AUTS2: variants seen among roughly 807,000 people sequenced by gnomAD.
AUTS2 encodes autism susceptibility gene 2 protein.
A neutral mutation model predicts 112.4 loss-of-function variants in AUTS2; 17 were observed. That is an observed-to-expected ratio of 0.15 (90% CI 0.10 to 0.23). The LOEUF (loss-of-function observed/expected upper bound fraction) is 0.23, where lower values mean the gene tolerates loss of function less well. Ranked by LOEUF, AUTS2 falls within the 10% of genes least tolerant of loss-of-function variation. AUTS2 has a pLI of 1.00. For missense variants in AUTS2, 1,510 were observed against 1,701.6 expected, an observed-to-expected ratio of 0.89 and a Z score of 1.98; for synonymous variants, 751 against 702.7, an observed-to-expected ratio of 1.07 and a Z score of -1.09.
At chr7:69,612,283 G>A (rs1358469913) in intron 1 of AUTS2, among the ~76,000 whole-genome samples, 1 of 152,100 alleles carries the variant, frequency 6.6e-6, no homozygotes, top group Non-Finnish European at 1.5e-5. Flanking sequence ...TTTTTGAAGT[G>A]TTGACTGTGA....
intron 4 of AUTS2, among the ~76,000 whole-genome samples, chr7:70,358,573 G>A (rs1437027674): frequency 2.0e-5 from 3 of 152,234 alleles, no homozygotes; most frequent in African/African-American, 7.2e-5. Context: ...TCCAGGGTAG[G>A]AACCTGCCTA....
intron 4 of AUTS2, among the ~76,000 whole-genome samples, chr7:70,146,832 T>G (rs941718053): frequency 2.0e-5 from 3 of 152,178 alleles, no homozygotes; most frequent in African/African-American, 4.8e-5. Context: ...CAGCTCAATT[T>G]TATTATTTTG....
intron 5 of AUTS2, among the ~76,000 whole-genome samples, chr7:70,483,114 C>T (rs1376457245): frequency 6.6e-6 from 1 of 152,094 alleles, no homozygotes. Flanking sequence ...AACAGATGGG[C>T]ACATCACCTC....
intron 2 of AUTS2, among the ~76,000 whole-genome samples, chr7:70,098,764 A>G (rs1054037962): frequency 6.7e-6 from 1 of 149,538 alleles, no homozygotes; most frequent in South Asian, 2.1e-4. Context: ...GTGCAATGTC[A>G]CAATCTCGGC....
intron 6 of AUTS2, among the ~76,000 whole-genome samples, chr7:70,710,926 C>G (rs1355517328): frequency 2.6e-5 from 4 of 152,260 alleles, no homozygotes; most frequent in Non-Finnish European, 5.9e-5. Flanking sequence ...GTATAATGAC[C>G]TCTTCCCAAG....
chr7:70,404,961 G>A (rs973015220), intron 4 of AUTS2, among the ~76,000 whole-genome samples: 2 of 152,162 alleles, frequency 1.3e-5, no homozygotes, highest in Non-Finnish European at 2.9e-5. Context: ...TATAGATTAC[G>A]CTTGGAATCA....
chr7:70,047,217 C>T (rs1026231765), intron 2 of AUTS2, among the ~76,000 whole-genome samples: 2 of 152,134 alleles, frequency 1.3e-5, no homozygotes, highest in Non-Finnish European at 2.9e-5. Context: ...AGTACTGCCT[C>T]TTTAGATGTA....
At chr7:69,695,402 T>C (rs1426962568) in intron 1 of AUTS2, among the ~76,000 whole-genome samples, 2 of 151,996 alleles carry the variant, frequency 1.3e-5, no homozygotes, top group Non-Finnish European at 2.9e-5. Flanking sequence ...TATTTTCAGG[T>C]TGGTCATATA....
At chr7:70,711,869 AAC>A (rs1271773304) in intron 6 of AUTS2, among the ~76,000 whole-genome samples, 2 of 152,112 alleles carry the variant, frequency 1.3e-5, no homozygotes, top group Non-Finnish European at 2.9e-5. Flanking sequence ...CTAGCCTAAA[AAC>A]ACAGTCTCTT....
intron 2 of AUTS2, among the ~76,000 whole-genome samples, chr7:70,029,331 TTC>T (rs1334339225): frequency 6.6e-6 from 1 of 151,896 alleles, no homozygotes; most frequent in African/African-American, 2.4e-5. Context: ...TGGTAATTTT[TTC>T]TGTTTTTTAT....
In AUTS2 at chr7:69,762,293, C is replaced by CTTTTTT. The variant is rs534032498; in HGVS notation, c.310-136967_310-136962dup. 6.5e-4 allele frequency among the ~76,000 whole-genome samples: 40 copies of CTTTTTT among 61,592 alleles called. 1 individual carries two copies. The highest frequency in any genetic ancestry group is 7.7e-4 in the Non-Finnish European group (27 of 34,872). 40.4% of individuals were successfully genotyped at this position (61,592 alleles called of 152,430 possible). A position where few individuals can be genotyped will look rare whatever the true frequency, so the allele number is the denominator to read the frequency against. On this transcript the variant is annotated intron_variant, in intron 1 of 18. Transcript: ENST00000342771. Reference sequence around the variant, plus strand: ...TTCCCAAACATTTTAGCCAAGTTGTCTTTTTTTTTTTTTTTTTTTTTTTTT... The same window carrying CTTTTTT: ...TTCCCAAACATTTTAGCCAAGTTGTCTTTTTTTTTTTTTTTTTTTTTTTTTTTTTTT...
At chr7:70,335,030 A>G (rs1315541041) in intron 4 of AUTS2, among the ~76,000 whole-genome samples, 1 of 152,096 alleles carries the variant, frequency 6.6e-6, no homozygotes, top group South Asian at 2.1e-4. Flanking sequence ...TGTCCTTCTC[A>G]TCAGGGAGAC....
intron 4 of AUTS2, among the ~76,000 whole-genome samples, chr7:70,224,399 C>T (rs1203232298): frequency 7.3e-6 from 1 of 136,904 alleles, no homozygotes; most frequent in Non-Finnish European, 1.6e-5. Flanking sequence ...CAATACAATA[C>T]AATATAATAC....
chr7:70,010,537 C>G (rs1427119247), intron 2 of AUTS2, among the ~76,000 whole-genome samples: 1 of 152,180 alleles, frequency 6.6e-6, no homozygotes, highest in Non-Finnish European at 1.5e-5. Context: ...CTCCATCCCC[C>G]TTGATGACTG....
chr7:69,974,457 C>G (rs899327288), intron 2 of AUTS2, among the ~76,000 whole-genome samples: 1 of 151,768 alleles, frequency 6.6e-6, no homozygotes, highest in Non-Finnish European at 1.5e-5. Flanking sequence ...CTTCCATCTG[C>G]AAGCTAGAAA....
intron 1 of AUTS2, among the ~76,000 whole-genome samples, chr7:69,761,481 A>C (rs1294154882): frequency 6.6e-6 from 1 of 152,050 alleles, no homozygotes; most frequent in Non-Finnish European, 1.5e-5. Flanking sequence ...TTAATGTTAA[A>C]TAGTTCAGTC....
intron 1 of AUTS2, among the ~76,000 whole-genome samples, chr7:69,707,241 C>A (rs1211612370): frequency 6.6e-6 from 1 of 151,980 alleles, no homozygotes; most frequent in East Asian, 1.9e-4. Flanking sequence ...ACAAATTTGC[C>A]CCATTGGTAA....
At chr7:70,103,199 G>A (rs2129569874) in intron 2 of AUTS2, among the ~76,000 whole-genome samples, 1 of 152,260 alleles carries the variant, frequency 6.6e-6, no homozygotes, top group South Asian at 2.1e-4. Context: ...TTAATACAAT[G>A]TTACTCTGGA....
intron 5 of AUTS2, among the ~76,000 whole-genome samples, chr7:70,688,807 C>T (rs536805317): frequency 6.6e-6 from 1 of 152,200 alleles, no homozygotes; most frequent in East Asian, 1.9e-4. Flanking sequence ...CTGGGCAACA[C>T]AGCAAGACGC....
Sources: allele counts gnomAD v4.1 joint callset (sites outside exome capture counted in the v4.1 genomes callset), GRCh38; gene constraint gnomAD v4.1.1; transcripts MANE v1.5; gene names NCBI Gene and HGNC (gene_info 2026-07-23, HGNC 2026-07-21).